ZMYND19: variants seen among roughly 807,000 people sequenced by gnomAD.
The protein encoded by ZMYND19 is zinc finger MYND domain-containing protein 19.
A neutral mutation model predicts 32.0 loss-of-function variants in ZMYND19; 17 were observed. The observed-to-expected ratio is 0.53, with a 90% CI of 0.36 to 0.80. The LOEUF is 0.80. ZMYND19 is among the 30% of genes least tolerant of loss of function. The pLI, the probability that ZMYND19 is intolerant of heterozygous loss-of-function variation, is 0.00. For missense variants in ZMYND19, 250 were observed against 293.6 expected, an observed-to-expected ratio of 0.85 and a Z score of 1.09; for synonymous variants, 124 against 113.6, an observed-to-expected ratio of 1.09 and a Z score of -0.58.
At chr9:137,585,120 C>G (rs2133298323) in intron 4 of ZMYND19, among the ~76,000 whole-genome samples, 1 of 152,194 alleles carries the variant, frequency 6.6e-6, no homozygotes, top group South Asian at 2.1e-4. Flanking sequence ...GTAATCCCAG[C>G]TACTCAAGAG....
Position 137,588,984 on chromosome 9 carries a change from T to C in ZMYND19, c.52-266A>G, listed in dbSNP as rs1842239002. ...CCAGAGGAGCTGGTATCAGGCTTCA[T>C]CCTCGCAGGGCTAACCCCAACAGTG... On this transcript the variant is annotated intron_variant, in intron 1 of 5. Transcript: ENST00000298585. The C allele has an allele frequency of 3.1e-5, 15 of 482,750 alleles. No homozygotes were observed. The South Asian group carries it at 3.8e-4, about 12-fold the overall frequency. 29.9% of individuals were successfully genotyped at this position (482,750 alleles called of 1,614,324 possible).
chr9:137,589,041 G>A lies in ZMYND19; in HGVS notation c.52-323C>T. The A allele has an allele frequency of 1.3e-5, 4 of 304,632 alleles. No individual in the cohort carries two copies. In the South Asian group the frequency reaches 2.4e-4, roughly 18 times the overall value. 18.9% of individuals were successfully genotyped at this position (304,632 alleles called of 1,614,324 possible). ...AACATTCAACGCACCAATAAACCTA[G>A]GCAAAGACTGTTTCACTGAGCTGAG... On this transcript the variant is annotated intron_variant, in intron 1 of 5. Transcript: ENST00000298585.
chr9:137,587,185 C>T, intron 3 of ZMYND19, 78 bp from the exon 4 acceptor site: 2 of 1,545,462 alleles, frequency 1.3e-6, no homozygotes, highest in Non-Finnish European at 8.6e-7. Context: ...GGTCAGGTAC[C>T]AAAGTCCTTC....
chr9:137,582,749 G>T, intron 5 of ZMYND19, 63 bp from the exon 6 acceptor site: 1 of 1,580,972 alleles, frequency 6.3e-7, no homozygotes. Context: ...GGCAAAGGCT[G>T]CGTCTTACGG....
chr9:137,587,759 T>A lies in ZMYND19; in HGVS notation c.176A>T (p.Asn59Ile). 6.2e-7 allele frequency: 1 copy of A among 1,614,126 alleles called. No homozygotes were observed. Among genetic ancestry groups the A allele is most frequent in the Non-Finnish European group, 8.5e-7 (1 of 1,180,018 alleles). The change falls in exon 3 of 6, where the codon AAC becomes ATC. Residue 59 changes from asparagine (N) to isoleucine (I), a missense_variant. Asn to Ile is a moderately radical substitution (Grantham distance 149). Transcript: ENST00000298585. ...GAGTCTCCCAGAGCCCCTTCCTCGG[T>A]TCTTGTCAAAGGCATAGGCAAATAT... ...AKIFAYAFDK[N>I]RGRGSGRLLH...
rs1372929988 is a variant in ZMYND19 at position 137,583,088 on chromosome 9, A to G, written c.435T>C (p.Asn145=). 6 of 1,614,180 alleles carry G rather than the reference A, an allele frequency of 3.7e-6. No homozygotes were observed. The highest frequency in any genetic ancestry group is 5.1e-6 in the Non-Finnish European group (6 of 1,180,010). ...DPIEEQFPVL[N]VTRYYNANGD... ...CGTTGGCATTATAATACCGGGTCAC[A>G]TTTAGGACAGGAAACTGTTCTTCTA... The change falls in exon 5 of 6, where the codon AAT becomes AAC. Residue 145 remains asparagine (N), a synonymous_variant. Coordinates refer to ENST00000298585, the MANE Select transcript of ZMYND19 (RefSeq NM_138462.3).
chr9:137,588,615 A>G, intron 2 of ZMYND19, 44 bp downstream of exon 2: 5 of 1,609,848 alleles, frequency 3.1e-6, no homozygotes, highest in Non-Finnish European at 4.3e-6. Context: ...CCTCCTGGGC[A>G]CTGACCACGA....
intron 4 of ZMYND19, among the ~76,000 whole-genome samples, chr9:137,583,562 A>C (rs1046722409): frequency 3.3e-5 from 5 of 150,778 alleles, no homozygotes; most frequent in African/African-American, 9.8e-5. Flanking sequence ...CCGTCTAAAA[A>C]CTCCTCCTGC....
At chr9:137,587,444 C>T (rs1588974269) in intron 3 of ZMYND19, 1 of 592,028 alleles carries the variant, frequency 1.7e-6, no homozygotes, top group Non-Finnish European at 3.0e-6. Context: ...ACCGGGGGGG[C>T]TCGGCAAAAC....
chr9:137,589,508 G>A (rs1842245231), intron 1 of ZMYND19: 1 of 985,374 alleles, frequency 1.0e-6, no homozygotes, highest in Non-Finnish European at 1.2e-6. Flanking sequence ...GGCTGGTGCA[G>A]CTGCACAGGT....
rs772030353 is a variant in ZMYND19, at chr9:137,587,689, G to T, written c.218+28C>A. On this transcript the variant is annotated intron_variant, in intron 3 of 5. Coordinates refer to ENST00000298585, the MANE Select transcript of ZMYND19 (RefSeq NM_138462.3). ...AGCTCACCCAGGAGCCCAGTGGCGG[G>T]GGGCAGAGACAGCTTGGAAACACCC... The T allele has an allele frequency of 1.7e-5, 27 of 1,604,100 alleles. No individual in the cohort carries two copies. The Middle Eastern group carries it at 6.6e-4, about 39-fold the overall frequency.
At chr9:137,587,211 G>A in intron 3 of ZMYND19, 104 bp from the exon 4 acceptor site, 4 of 1,530,560 alleles carry the variant, frequency 2.6e-6, no homozygotes, top group Non-Finnish European at 3.5e-6. Context: ...AGAAATGTCA[G>A]CCATGTGATC....
Position 137,590,174 on chromosome 9 carries a change from G to T in ZMYND19, c.51+39C>A. 2.0e-6 allele frequency: 2 copies of T among 1,015,664 alleles called. No individual in the cohort carries two copies. Among genetic ancestry groups the T allele is most frequent in the South Asian group, 3.3e-5 (1 of 30,178 alleles). 62.9% of individuals were successfully genotyped at this position (1,015,664 alleles called of 1,614,324 possible). On this transcript the variant is annotated intron_variant, in intron 1 of 5. Transcript: ENST00000298585. The surrounding 1 kb of genome is among the most constrained non-coding windows in gnomAD (Gnocchi z 4.2). ...CCCGGCCCCGCGCGGAGGCCTGGACGGGCGAGACGGGCCGGGTCGCGGGCT... is the reference window on the plus strand; with the variant it reads ...CCCGGCCCCGCGCGGAGGCCTGGACTGGCGAGACGGGCCGGGTCGCGGGCT...
At chr9:137,588,595 T>C (rs1842233538) in intron 2 of ZMYND19, 64 bp downstream of exon 2, 2 of 1,578,058 alleles carry the variant, frequency 1.3e-6, no homozygotes, top group South Asian at 2.2e-5. Flanking sequence ...GAGAGCTCGT[T>C]CCTCGTGACC....
At chr9:137,584,624 G>T (rs1842183717) in intron 4 of ZMYND19, among the ~76,000 whole-genome samples, 1 of 152,230 alleles carries the variant, frequency 6.6e-6, no homozygotes, top group Non-Finnish European at 1.5e-5. Flanking sequence ...CATCAACACT[G>T]AGCATGTATC....
intron 4 of ZMYND19, 135 bp from the exon 5 acceptor site, chr9:137,583,298 C>A: frequency 1.1e-6 from 1 of 900,200 alleles, no homozygotes. Flanking sequence ...TTGGCCCATC[C>A]CTGCTGCATG....
chr9:137,587,828 G>A lies in ZMYND19; in HGVS notation c.112-5C>T. On this transcript the variant is annotated splice_region_variant and splice_polypyrimidine_tract_variant and intron_variant, in intron 2 of 5. Coordinates refer to ENST00000298585, the MANE Select transcript of ZMYND19 (RefSeq NM_138462.3). ...TGCATCCACTTCCATTCGGGCCTGA[G>A]AAGGAACAAGGGAAAGAGCTGTTAA... 3 of 1,613,648 alleles carry A rather than the reference G, an allele frequency of 1.9e-6. No individual in the cohort carries two copies. The highest frequency in any genetic ancestry group is 2.5e-6 in the Non-Finnish European group (3 of 1,179,618).
intron 4 of ZMYND19, among the ~76,000 whole-genome samples, chr9:137,584,314 T>TCGTCCTGCTGTGCCCTCAGAGAATGGG (rs1842180032): frequency 6.6e-6 from 1 of 152,230 alleles, no homozygotes; most frequent in African/African-American, 2.4e-5. Flanking sequence ...CCAGCGCAAC[T>TCGTCCTGCTGTGCCCTCAGAGAATGGG]CGTCCTGCTG....
intron 3 of ZMYND19, 146 bp downstream of exon 3, chr9:137,587,571 A>C: frequency 1.4e-6 from 1 of 712,840 alleles, no homozygotes; most frequent in Non-Finnish European, 2.5e-6. Context: ...CCTTTGGGTT[A>C]GTGGTGAAGG....
Sources: gnomAD v4.1 joint callset for allele counts (sites outside exome capture counted in the v4.1 genomes callset) on GRCh38, gnomAD v4.1.1 for gene constraint, Gnocchi (gnomAD v3.1) non-coding constraint, MANE v1.5 for transcripts, NCBI Gene and HGNC (gene_info 2026-07-23, HGNC 2026-07-21) for gene names.